MGAT4A: variants seen among roughly 807,000 people sequenced by gnomAD.
The protein encoded by MGAT4A is N-acetylglucosaminyltransferase IVa.
Under a neutral mutation model 74.1 loss-of-function variants are expected in MGAT4A, and 33 were observed. The observed-to-expected ratio is 0.45, with a 90% CI of 0.34 to 0.60. The LOEUF (loss-of-function observed/expected upper bound fraction) is 0.60, where lower values mean the gene tolerates loss of function less well. MGAT4A is among the 20% of genes least tolerant of loss of function. The pLI is 0.02. For synonymous variants in MGAT4A, 198 were observed against 210.4 expected (o/e 0.94, Z 0.51); for missense variants, 479 against 628.3 (o/e 0.76, Z 2.54).
Position 98,699,482 on chromosome 2 carries a change from C to T in MGAT4A, c.95-21011G>A, listed in dbSNP as rs147920750. ...GATTTGCCATGTTAACTCTTTTCTG[C>T]ACAGCAGGAATCATATTTTAGTCTT... is the stretch of plus-strand genomic sequence containing the variant. On this transcript the variant is annotated intron_variant, in intron 2 of 15. Coordinates refer to ENST00000393487, the MANE Select transcript of MGAT4A (RefSeq NM_012214.3). Among the ~76,000 whole-genome samples the T allele has an allele frequency of 4.7e-3, 711 of 152,218 alleles. 4 individuals are homozygous for T. The highest frequency in any genetic ancestry group is 0.016 in the African/African-American group (671 of 41,548).
At position 98,625,739 on chromosome 2, in the gene MGAT4A, C is replaced by A; in HGVS notation, c.1565G>T (p.Trp522Leu). 6.2e-7 allele frequency: 1 copy of A among 1,610,344 alleles called. No individual in the cohort carries two copies. The highest frequency in any genetic ancestry group is 8.5e-7 in the Non-Finnish European group (1 of 1,177,248). ...TATGCTTACCTCATTAAGAATGGCC[C>A]AAACAGCAGAATTCTGAATAACTGA... Reference protein sequence around the residue: ...RLSVIQNSAVWAILNEIHIKK... With the variant: ...RLSVIQNSAVLAILNEIHIKK... Residue 522 changes from tryptophan (W) to leucine (L), a missense_variant, in exon 15 of 16, where the codon TGG becomes TTG. Trp to Leu is a moderately conservative substitution (Grantham distance 61). Transcript: ENST00000393487.
chr2:98,648,713 C>T (rs557738664), intron 8 of MGAT4A, among the ~76,000 whole-genome samples: 1 of 148,964 alleles, frequency 6.7e-6, no homozygotes, highest in South Asian at 2.1e-4. Flanking sequence ...GAGAGGAAGA[C>T]CCTGTCTCCA....
At chr2:98,708,644 G>A (rs899439904) in intron 2 of MGAT4A, among the ~76,000 whole-genome samples, 6 of 152,194 alleles carry the variant, frequency 3.9e-5, no homozygotes, top group Non-Finnish European at 5.9e-5. Flanking sequence ...TAAAGGGAAC[G>A]TTGCTGGAGT....
chr2:98,705,751 G>A (rs976586597), intron 2 of MGAT4A, among the ~76,000 whole-genome samples: 3 of 151,774 alleles, frequency 2.0e-5, no homozygotes, highest in Admixed American at 6.6e-5. Context: ...AGACCATCCT[G>A]GCTAACAAGG....
intron 4 of MGAT4A, among the ~76,000 whole-genome samples, chr2:98,666,542 A>G (rs1701833344): frequency 6.6e-6 from 1 of 151,874 alleles, no homozygotes; most frequent in South Asian, 2.1e-4. Flanking sequence ...AAAATAAAAC[A>G]CTTAGCTGGG....
rs752514737 is a variant in MGAT4A, at chr2:98,645,501, G to A, written c.816C>T (p.Thr272=). ...DIIVKQNYFN[T]IKNFALQLSS... Reference sequence around the variant, plus strand: ...AAAGTTGAAGTGCAAAATTTTTTATGGTATTAAAATAATTTTGTTTGACAA... The same window carrying A: ...AAAGTTGAAGTGCAAAATTTTTTATAGTATTAAAATAATTTTGTTTGACAA... Residue 272 remains threonine (T), a synonymous_variant, in exon 9 of 16, where the codon ACC becomes ACT. Transcript: ENST00000393487. 6.3e-6 allele frequency: 10 copies of A among 1,590,208 alleles called. No individual in the cohort carries two copies. The African/African-American group carries it at 9.5e-5, about 15-fold the overall frequency.
chr2:98,712,111 T>A lies in MGAT4A; in HGVS notation c.94+14128A>T, dbSNP rs1251396869. On this transcript the variant is annotated intron_variant, in intron 2 of 15. Transcript: ENST00000393487. The stretch of plus-strand genomic sequence containing the variant: ...TCCACTCTTCTCCATCCTTCGTGCA[T>A]CTGGACCTGTATTCATCAGACCAAA... 4.6e-5 allele frequency among the ~76,000 whole-genome samples: 7 copies of A among 152,162 alleles called. No individual in the cohort carries two copies. In the South Asian group the frequency reaches 1.4e-3, roughly 32 times the overall value.
At chr2:98,717,294 G>A (rs1309132989) in intron 2 of MGAT4A, among the ~76,000 whole-genome samples, 9 of 151,760 alleles carry the variant, frequency 5.9e-5, no homozygotes, top group East Asian at 1.9e-4. Flanking sequence ...TAGGAGAATC[G>A]CTTGAACGTG....
At chr2:98,700,353 CAT>C (rs1188277022) in intron 2 of MGAT4A, among the ~76,000 whole-genome samples, 21 of 147,860 alleles carry the variant, frequency 1.4e-4, no homozygotes, top group East Asian at 3.9e-4. Context: ...CTATAAATAC[CAT>C]ATGAGTATTT....
Position 98,650,956 on chromosome 2 carries a change from G to C in MGAT4A, c.774+4489C>G, listed in dbSNP as rs137989152. On this transcript the variant is annotated intron_variant, in intron 8 of 15. Transcript: ENST00000393487. The stretch of plus-strand genomic sequence containing the variant: ...GAGCAAGACTCCATCTCAAAAAAAA[G>C]GAAAAGAAAAAAAGAATGTTCAGGC... Among the ~76,000 whole-genome samples the C allele has an allele frequency of 2.1e-3, 317 of 151,602 alleles. 1 individual carries two copies. The highest frequency in any genetic ancestry group is 7.3e-3 in the African/African-American group (301 of 41,318).
chr2:98,689,473 G>A (rs1452973493), intron 2 of MGAT4A, among the ~76,000 whole-genome samples: 1 of 152,080 alleles, frequency 6.6e-6, no homozygotes, highest in Non-Finnish European at 1.5e-5. Flanking sequence ...AGACCAAGAT[G>A]GAATAGACAC....
chr2:98,641,682 G>GA lies in MGAT4A; in HGVS notation c.1021-1455dup, dbSNP rs1322682177. On this transcript the variant is annotated intron_variant, in intron 10 of 15. Coordinates refer to ENST00000393487, the MANE Select transcript of MGAT4A (RefSeq NM_012214.3). ...CGGAGCGAGACTCCGTCTCACAAAA[G>GA]AAAAAAAAGAAAAAAAAATACAAAA... 4.6e-3 allele frequency among the ~76,000 whole-genome samples: 664 copies of GA among 144,080 alleles called. 3 individuals carry two copies. The highest frequency in any genetic ancestry group is 6.6e-3 in the Non-Finnish European group (433 of 66,024). 94.5% of individuals were successfully genotyped at this position (144,080 alleles called of 152,430 possible).
rs1467893157 is a variant in MGAT4A, at chr2:98,714,024, T to C, written c.94+12215A>G. Among the ~76,000 whole-genome samples, 20 of 152,250 alleles carry C rather than the reference T, an allele frequency of 1.3e-4. No homozygotes were observed. The East Asian group carries it at 3.8e-3, about 29-fold the overall frequency. Reference sequence around the variant, plus strand: ...CTTTTCATTTGTGTATGGGTTAGAATTCTGAAACTACTGTACATATATACT... The same window carrying C: ...CTTTTCATTTGTGTATGGGTTAGAACTCTGAAACTACTGTACATATATACT... On this transcript the variant is annotated intron_variant, in intron 2 of 15. Transcript: ENST00000393487.
intron 2 of MGAT4A, among the ~76,000 whole-genome samples, chr2:98,700,696 G>C (rs1702343069): frequency 6.6e-6 from 1 of 152,070 alleles, no homozygotes. Context: ...TTTGAGACCA[G>C]CCTGGCTAAC....
In MGAT4A at chr2:98,625,413, G is replaced by C. The variant is rs1701129098; in HGVS notation, c.*153C>G. On this transcript the variant is annotated 3_prime_UTR_variant, in exon 16 of 16. Transcript: ENST00000393487. The stretch of plus-strand genomic sequence containing the variant: ...AGTTTCAAACAAATACAATTATTAT[G>C]GGAGATTCACTTTCCAAGTGGAAAT... 6.8e-7 allele frequency: 1 copy of C among 1,463,944 alleles called. No homozygotes were observed. Among genetic ancestry groups the C allele is most frequent in the South Asian group, 1.4e-5 (1 of 70,412 alleles). The allele number at this position is 1,463,944 out of a possible 1,614,324, so 90.7% of individuals were successfully genotyped here. A position where few individuals can be genotyped will look rare whatever the true frequency, so the allele number is the denominator to read the frequency against.
At chr2:98,639,723 G>GCA in intron 12 of MGAT4A, 85 bp downstream of exon 12, 2 of 1,240,120 alleles carry the variant, frequency 1.6e-6, no homozygotes, top group Middle Eastern at 2.1e-4. Context: ...CATCTGTCAG[G>GCA]CACACACACA....
chr2:98,711,082 T>C (rs1053992422), intron 2 of MGAT4A, among the ~76,000 whole-genome samples: 1 of 152,092 alleles, frequency 6.6e-6, no homozygotes, highest in African/African-American at 2.4e-5. Context: ...TAAGTGGCCT[T>C]CTAATCAGAA....
chr2:98,643,860 A>G (rs1488124537), intron 10 of MGAT4A, 63 bp downstream of exon 10: 64 of 1,384,046 alleles, frequency 4.6e-5, no homozygotes, highest in Non-Finnish European at 5.6e-5. Context: ...CAAAATCTCT[A>G]AAAGTCACTT....
chr2:98,674,967 C>T (rs1428013066), intron 4 of MGAT4A, 68 bp downstream of exon 4: 1 of 1,524,078 alleles, frequency 6.6e-7, no homozygotes, highest in Non-Finnish European at 8.9e-7. Flanking sequence ...TTCTGATGGT[C>T]AACATAATAG....
Sources: gnomAD v4.1 joint callset for allele counts (sites outside exome capture counted in the v4.1 genomes callset) on GRCh38, gnomAD v4.1.1 for gene constraint, MANE v1.5 for transcripts, NCBI Gene and HGNC (gene_info 2026-07-23, HGNC 2026-07-21) for gene names.